The following PTCHD4 variants were observed in gnomAD, a reference collection of about 807,000 sequenced individuals.
PTCHD4 encodes patched domain-containing protein 4.
Under a neutral mutation model 58.1 loss-of-function variants are expected in PTCHD4, and 33 were observed. That is an observed-to-expected ratio of 0.57 (90% CI 0.43 to 0.76). The LOEUF (loss-of-function observed/expected upper bound fraction) is 0.76, where lower values mean the gene tolerates loss of function less well. PTCHD4 is among the 30% of genes least tolerant of loss of function. PTCHD4 has a pLI of 0.00. For missense variants in PTCHD4, 1,058 were observed against 1,027.1 expected (o/e 1.03, Z -0.41); for synonymous variants, 478 against 409.6 (o/e 1.17, Z -2.02).
At chr6:47,903,869 T>C (rs549881578) in intron 4 of PTCHD4, among the ~76,000 whole-genome samples, 235 of 152,310 alleles carry the variant, frequency 1.5e-3, no homozygotes, top group Non-Finnish European at 2.4e-3. Context: ...GTGGTGGATT[T>C]TTGATAGGGC....
intron 4 of PTCHD4, among the ~76,000 whole-genome samples, chr6:47,996,218 A>C (rs1450580363): frequency 6.6e-6 from 1 of 152,186 alleles, no homozygotes; most frequent in Non-Finnish European, 1.5e-5. Context: ...CTGTAATCCC[A>C]GCACTTTTGG....
In PTCHD4 at chr6:47,857,893, G is replaced by C. The variant is rs116456795; in HGVS notation, c.*20410C>G. Among the ~76,000 whole-genome samples the C allele has an allele frequency of 0.012, 1,854 of 151,974 alleles. 42 individuals are homozygous for C. Among genetic ancestry groups the C allele is most frequent in the African/African-American group, 0.043 (1,768 of 41,452 alleles). ...CATTATAATAATTTTTTAGCAAACT[G>C]TAACTATAAATAGTTCTATATCAAG... On this transcript the variant is annotated 3_prime_UTR_variant, in exon 5 of 5. Coordinates refer to ENST00000339488, the MANE Select transcript of PTCHD4 (RefSeq NM_001384253.1).
chr6:47,884,912 A>G (rs1448298048), intron 4 of PTCHD4, among the ~76,000 whole-genome samples: 1 of 152,162 alleles, frequency 6.6e-6, no homozygotes, highest in Admixed American at 6.5e-5. Flanking sequence ...CCTGTAAACT[A>G]TGAAGAGGTA....
At chr6:47,894,573 G>A (rs1290257886) in intron 4 of PTCHD4, among the ~76,000 whole-genome samples, 1 of 152,200 alleles carries the variant, frequency 6.6e-6, no homozygotes, top group Non-Finnish European at 1.5e-5. Context: ...TGTGCCCTTG[G>A]CACTTACTAA....
In PTCHD4 at chr6:47,955,578, A is replaced by T. The variant is rs556680110; in HGVS notation, c.898+53056T>A. Reference sequence around the variant, plus strand: ...TTCCTGGAGTGTAGGAAACCTTTCAAAACGGAATTAGAAACTTACCAGTGA... The same window carrying T: ...TTCCTGGAGTGTAGGAAACCTTTCATAACGGAATTAGAAACTTACCAGTGA... On this transcript the variant is annotated intron_variant, in intron 4 of 4. Coordinates refer to ENST00000339488, the MANE Select transcript of PTCHD4 (RefSeq NM_001384253.1). Among the ~76,000 whole-genome samples the T allele has an allele frequency of 2.0e-5, 3 of 152,332 alleles. 1 individual carries two copies. The South Asian group carries it at 6.2e-4, about 32-fold the overall frequency.
chr6:47,883,290 A>T (rs1764077561), intron 4 of PTCHD4, among the ~76,000 whole-genome samples: 1 of 152,156 alleles, frequency 6.6e-6, no homozygotes, highest in Non-Finnish European at 1.5e-5. Context: ...CTGCTTTAAA[A>T]ATAGGGATAT....
At chr6:48,082,030 C>G (rs1765178477) in intron 1 of PTCHD4, among the ~76,000 whole-genome samples, 1 of 152,144 alleles carries the variant, frequency 6.6e-6, no homozygotes. Context: ...GAAAAATTTT[C>G]TGTGTTCTTG....
chr6:47,979,486 G>A (rs1025699942), intron 4 of PTCHD4, among the ~76,000 whole-genome samples: 1 of 152,046 alleles, frequency 6.6e-6, no homozygotes, highest in Admixed American at 6.6e-5. Flanking sequence ...ATAAAAAAGT[G>A]TAGTCAATGT....
At chr6:47,929,001 G>A (rs1765721514) in intron 4 of PTCHD4, among the ~76,000 whole-genome samples, 1 of 152,030 alleles carries the variant, frequency 6.6e-6, no homozygotes. Flanking sequence ...CCACATCTGA[G>A]GTATAGAGAA....
intron 4 of PTCHD4, among the ~76,000 whole-genome samples, chr6:47,952,355 G>T (rs537916215): frequency 6.6e-6 from 1 of 151,642 alleles, no homozygotes; most frequent in African/African-American, 2.4e-5. Flanking sequence ...TTTTGTTGTC[G>T]GTCTATCAAC....
chr6:48,055,960 C>T (rs1460634566), intron 3 of PTCHD4, among the ~76,000 whole-genome samples: 1 of 152,188 alleles, frequency 6.6e-6, no homozygotes, highest in Non-Finnish European at 1.5e-5. Context: ...GGGTACTATG[C>T]AAGAGCCACA....
At chr6:48,013,638 G>T (rs748484924) in intron 3 of PTCHD4, among the ~76,000 whole-genome samples, 1 of 151,920 alleles carries the variant, frequency 6.6e-6, no homozygotes, top group Non-Finnish European at 1.5e-5. Context: ...CCAATTAGGC[G>T]CATTTATTTT....
In PTCHD4 at chr6:47,955,281, A is replaced by G. The variant is rs1056446958; in HGVS notation, c.898+53353T>C. On this transcript the variant is annotated intron_variant, in intron 4 of 4. Transcript: ENST00000339488. The stretch of plus-strand genomic sequence containing the variant: ...ATGTAAGGAACCATATACTATAGGA[A>G]TAAATAAATTGACAGAGGTACAGCT... Among the ~76,000 whole-genome samples, 4 of 152,274 alleles carry G rather than the reference A, an allele frequency of 2.6e-5. No homozygotes were observed. The East Asian group carries it at 7.7e-4, about 29-fold the overall frequency.
At chr6:48,020,067 T>A (rs1312739638) in intron 3 of PTCHD4, among the ~76,000 whole-genome samples, 1 of 152,058 alleles carries the variant, frequency 6.6e-6, no homozygotes. Context: ...GAAGAGTGAT[T>A]TCTCAGAGAT....
chr6:48,046,835 T>C (rs1304140194), intron 3 of PTCHD4, among the ~76,000 whole-genome samples: 1 of 151,926 alleles, frequency 6.6e-6, no homozygotes, highest in Non-Finnish European at 1.5e-5. Context: ...AATTAAGTTG[T>C]TCCTCTTTGG....
chr6:48,033,736 G>T (rs542235294), intron 3 of PTCHD4, among the ~76,000 whole-genome samples: 2 of 152,050 alleles, frequency 1.3e-5, no homozygotes, highest in Admixed American at 1.3e-4. Context: ...TTTTCTTCAT[G>T]TCAAAAGGGT....
At chr6:47,888,225 T>C (rs1764255184) in intron 4 of PTCHD4, among the ~76,000 whole-genome samples, 1 of 151,888 alleles carries the variant, frequency 6.6e-6, no homozygotes, top group African/African-American at 2.4e-5. Flanking sequence ...GGTGTGGTGG[T>C]GGGCGCCTAT....
rs563197162 is a variant in PTCHD4, at chr6:47,877,141, A to T, written c.*1162T>A. The stretch of plus-strand genomic sequence containing the variant: ...CTTATGCTAAGAACTAGTAGATGGC[A>T]TGTGATGAGTGGGTATGGTCCATTT... On this transcript the variant is annotated 3_prime_UTR_variant, in exon 5 of 5. Transcript: ENST00000339488. 6.6e-6 allele frequency among the ~76,000 whole-genome samples: 1 copy of T among 152,174 alleles called. No individual in the cohort carries two copies. The highest frequency in any genetic ancestry group is 1.9e-4 in the East Asian group (1 of 5,152).
chr6:48,033,823 GT>G (rs1363917840), intron 3 of PTCHD4, among the ~76,000 whole-genome samples: 7 of 152,162 alleles, frequency 4.6e-5, no homozygotes, highest in African/African-American at 1.7e-4. Context: ...TCAAGAGCCT[GT>G]GTTGGTCTTT....
Sources: gnomAD v4.1 joint callset for allele counts (sites outside exome capture counted in the v4.1 genomes callset) on GRCh38, gnomAD v4.1.1 for gene constraint, MANE v1.5 for transcripts, NCBI Gene and HGNC (gene_info 2026-07-23, HGNC 2026-07-21) for gene names.